Variants in CBL observed in about 807,000 individuals in gnomAD.
CBL encodes E3 ubiquitin-protein ligase CBL.
CBL carries 45 observed loss-of-function variants against 96.9 expected under a neutral mutation model. The observed-to-expected ratio is 0.46, with a 90% CI of 0.37 to 0.60. The LOEUF (loss-of-function observed/expected upper bound fraction) is 0.60, where lower values mean the gene tolerates loss of function less well. CBL is among the 20% of genes least tolerant of loss of function. CBL has a pLI of 0.00. For synonymous variants in CBL, 420 were observed against 426.8 expected, an observed-to-expected ratio of 0.98 and a Z score of 0.20; for missense variants, 1,024 against 1,143.5, an observed-to-expected ratio of 0.90 and a Z score of 1.51.
At chr11:119,271,667 G>A in intron 2 of CBL, 68 bp from the exon 3 acceptor site, 1 of 1,280,164 alleles carries the variant, frequency 7.8e-7, no homozygotes, top group Non-Finnish European at 1.1e-6. Context: ...ATCTTGTATG[G>A]TGAATTTGGT....
rs1363189852 is a variant in CBL, at chr11:119,285,415, A to G, written c.1790A>G (p.Lys597Arg). The change falls in exon 11 of 16, where the codon AAA (lysine) becomes AGA (arginine). Residue 597 changes from lysine to arginine, a missense_variant. Physicochemically the swap from Lys to Arg is conservative, Grantham distance 26. Coordinates refer to ENST00000264033, the MANE Select transcript of CBL (RefSeq NM_005188.4). ...GDSWLPRPIP[K>R]VPVSAPSSSD... ...TCATGGCTGCCCCGGCCAATCCCCAAAGTACCAGTATCTGCCCCAAGTTCC... is the reference window on the plus strand; with the variant it reads ...TCATGGCTGCCCCGGCCAATCCCCAGAGTACCAGTATCTGCCCCAAGTTCC... 3.1e-6 allele frequency: 5 copies of G among 1,614,112 alleles called. No individual in the cohort carries two copies. Among genetic ancestry groups the G allele is most frequent in the African/African-American group, 1.3e-5 (1 of 75,016 alleles).
In CBL at chr11:119,300,764, T is replaced by C; in HGVS notation, c.*983T>C. ...CCTTGGTGCCAGGTATGTGTTCTGA[T>C]GTAGGTCATGAGTCTTTCTACTTAA... On this transcript the variant is annotated 3_prime_UTR_variant, in exon 16 of 16. Transcript: ENST00000264033. 1 of 392,554 alleles carries C rather than the reference T, an allele frequency of 2.5e-6. No homozygotes were observed. Among genetic ancestry groups the C allele is most frequent in the Non-Finnish European group, 4.5e-6 (1 of 222,352 alleles). The allele number at this position is 392,554 out of a possible 1,614,324, so 24.3% of individuals were successfully genotyped here.
At chr11:119,223,683 G>A (rs1359700662) in intron 1 of CBL, among the ~76,000 whole-genome samples, 1 of 151,954 alleles carries the variant, frequency 6.6e-6, no homozygotes, top group Non-Finnish European at 1.5e-5. Flanking sequence ...CTGGAGTGCA[G>A]TGGCGTGATC....
intron 6 of CBL, 118 bp downstream of exon 6, chr11:119,276,252 T>G: frequency 1.9e-6 from 2 of 1,042,300 alleles, no homozygotes; most frequent in Non-Finnish European, 3.0e-6. Context: ...AGGAAAATAT[T>G]AACAGATGAT....
Position 119,298,503 on chromosome 11 carries a change from C to T in CBL, c.2397C>T (p.Ser799=), listed in dbSNP as rs1178129396. ...CAGATATCTCTAATGCCAGCTCCTC[C>T]TTTGGCTGGTTGTCTCTGGATGGTG... The part of the protein sequence containing the change: ...TLSDISNASS[S]FGWLSLDGDP... Residue 799 remains serine (S), a synonymous_variant, in exon 15 of 16, where the codon TCC becomes TCT. Coordinates refer to ENST00000264033, the MANE Select transcript of CBL (RefSeq NM_005188.4). 6.2e-7 allele frequency: 1 copy of T among 1,614,214 alleles called. No individual in the cohort carries two copies. Among genetic ancestry groups the T allele is most frequent in the East Asian group, 2.2e-5 (1 of 44,888 alleles).
chr11:119,206,377 C>G lies in CBL; in HGVS notation c.-41C>G, dbSNP rs751528430. 2 of 1,441,032 alleles carry G rather than the reference C, an allele frequency of 1.4e-6. No homozygotes were observed. The highest frequency in any genetic ancestry group is 2.4e-5 in the Admixed American group (1 of 41,846). 89.3% of individuals were successfully genotyped at this position (1,441,032 alleles called of 1,614,324 possible). A position where few individuals can be genotyped will look rare whatever the true frequency, so the allele number is the denominator to read the frequency against. Reference sequence around the variant, plus strand: ...TTCTCTCCCTCGCTCGCAGTCGAGCCGAGCCGGCGGACCCGCCTGGGCTCC... The same window carrying G: ...TTCTCTCCCTCGCTCGCAGTCGAGCGGAGCCGGCGGACCCGCCTGGGCTCC... On this transcript the variant is annotated 5_prime_UTR_variant, in exon 1 of 16. Coordinates refer to ENST00000264033, the MANE Select transcript of CBL (RefSeq NM_005188.4).
chr11:119,228,608 A>G (rs1199868981), intron 1 of CBL, among the ~76,000 whole-genome samples: 1 of 146,898 alleles, frequency 6.8e-6, no homozygotes, highest in African/African-American at 2.5e-5. Flanking sequence ...CTCCATCTCA[A>G]AAAAAAAAAA....
At position 119,304,207 on chromosome 11, in the gene CBL, C is replaced by T; in HGVS notation, c.*4426C>T. On this transcript the variant is annotated 3_prime_UTR_variant, in exon 16 of 16. Transcript: ENST00000264033. ...AGCTTTAGAAGCTCAATCTAAAATACTGTAACTCAGCATAAACTATTACTA... is the reference window on the plus strand; with the variant it reads ...AGCTTTAGAAGCTCAATCTAAAATATTGTAACTCAGCATAAACTATTACTA... 1 of 233,290 alleles carries T rather than the reference C, an allele frequency of 4.3e-6. No individual in the cohort carries two copies. The highest frequency in any genetic ancestry group is 8.5e-6 in the Non-Finnish European group (1 of 118,064). 14.5% of individuals were successfully genotyped at this position (233,290 alleles called of 1,614,324 possible). A position where few individuals can be genotyped will look rare whatever the true frequency, so the allele number is the denominator to read the frequency against.
intron 1 of CBL, among the ~76,000 whole-genome samples, chr11:119,206,988 G>T (rs1299949655): frequency 6.6e-6 from 1 of 152,048 alleles, no homozygotes; most frequent in Non-Finnish European, 1.5e-5. Context: ...GGCCTGGGAG[G>T]TTAGCAGGGA....
chr11:119,287,552 A>G (rs1949993085), intron 11 of CBL, among the ~76,000 whole-genome samples: 1 of 152,228 alleles, frequency 6.6e-6, no homozygotes. Flanking sequence ...GTTTGGATAT[A>G]GATTATTTAA....
rs146904799 is a variant in CBL, at chr11:119,287,763, T to A, written c.1942-89T>A. ...TGGCATTGAGAGTTAGGTTTGTATC[T>A]GTTATTGTTATTTTGAAAAGGTTCA... On this transcript the variant is annotated intron_variant, in intron 11 of 15. Coordinates refer to ENST00000264033, the MANE Select transcript of CBL (RefSeq NM_005188.4). 2,871 of 858,668 alleles carry A rather than the reference T, an allele frequency of 3.3e-3. 37 individuals carry two copies. Among genetic ancestry groups the A allele is most frequent in the African/African-American group, 0.016 (992 of 60,390 alleles). 53.2% of individuals were successfully genotyped at this position (858,668 alleles called of 1,614,324 possible). A position where few individuals can be genotyped will look rare whatever the true frequency, so the allele number is the denominator to read the frequency against.
At chr11:119,269,381 C>T (rs1053885257) in intron 2 of CBL, among the ~76,000 whole-genome samples, 6 of 151,658 alleles carry the variant, frequency 4.0e-5, no homozygotes, top group Non-Finnish European at 8.8e-5. Flanking sequence ...CCACCATGCC[C>T]GCCTAATTTT....
At chr11:119,280,768 T>C (rs1949927824) in intron 9 of CBL, among the ~76,000 whole-genome samples, 1 of 152,192 alleles carries the variant, frequency 6.6e-6, no homozygotes, top group Admixed American at 6.5e-5. Flanking sequence ...TCTGGATTCT[T>C]GATCTCTTCA....
At chr11:119,287,468 G>A (rs1949992416) in intron 11 of CBL, among the ~76,000 whole-genome samples, 1 of 152,152 alleles carries the variant, frequency 6.6e-6, no homozygotes, top group Non-Finnish European at 1.5e-5. Context: ...GTACCTGTGG[G>A]GTGGATAGCC....
intron 2 of CBL, among the ~76,000 whole-genome samples, chr11:119,269,992 G>T (rs1334244360): frequency 7.0e-6 from 1 of 142,960 alleles, no homozygotes; most frequent in African/African-American, 2.5e-5. Context: ...GCGAGACTCC[G>T]TCTCAAAATA....
chr11:119,268,881 ATCATC>A (rs1212050566), intron 2 of CBL, among the ~76,000 whole-genome samples: 1 of 152,208 alleles, frequency 6.6e-6, no homozygotes, highest in East Asian at 1.9e-4. Context: ...GATTTTTTCT[ATCATC>A]TCATTCATTA....
chr11:119,259,997 C>T (rs1949742341), intron 2 of CBL, among the ~76,000 whole-genome samples: 1 of 152,186 alleles, frequency 6.6e-6, no homozygotes, highest in African/African-American at 2.4e-5. Context: ...CCGTTCCATT[C>T]CCAGAGATGC....
rs773966646 is a variant in CBL at position 119,304,388 on chromosome 11, G to A, written c.*4607G>A. On this transcript the variant is annotated 3_prime_UTR_variant, in exon 16 of 16. Coordinates refer to ENST00000264033, the MANE Select transcript of CBL (RefSeq NM_005188.4). The stretch of plus-strand genomic sequence containing the variant: ...ATCCAAGAAACAGAAATGTTCAAGC[G>A]GAATAAAGGAGGGAGTGGAGTTGTG... 1.3e-5 allele frequency: 3 copies of A among 233,028 alleles called. No homozygotes were observed. The highest frequency in any genetic ancestry group is 2.5e-5 in the Non-Finnish European group (3 of 118,044). 14.4% of individuals were successfully genotyped at this position (233,028 alleles called of 1,614,324 possible).
In CBL at chr11:119,306,719, A is replaced by G. The variant is rs1005307535; in HGVS notation, c.*6938A>G. On this transcript the variant is annotated 3_prime_UTR_variant, in exon 16 of 16. Coordinates refer to ENST00000264033, the MANE Select transcript of CBL (RefSeq NM_005188.4). The stretch of plus-strand genomic sequence containing the variant: ...TGCTGTCTGGGTGAGTGAGCCTGCA[A>G]CGCAATGCCCATGAGAGTAAATGCC... 4 of 251,286 alleles carry G rather than the reference A, an allele frequency of 1.6e-5. No homozygotes were observed. Among genetic ancestry groups the G allele is most frequent in the Non-Finnish European group, 2.3e-5 (3 of 130,554 alleles). The allele number at this position is 251,286 out of a possible 1,614,324, so 15.6% of individuals were successfully genotyped here.
Sources: gnomAD v4.1 joint callset for allele counts (sites outside exome capture counted in the v4.1 genomes callset) on GRCh38, gnomAD v4.1.1 for gene constraint, MANE v1.5 for transcripts, NCBI Gene and HGNC (gene_info 2026-07-23, HGNC 2026-07-21) for gene names.